C4orf36: variants seen among roughly 807,000 people sequenced by gnomAD.
C4orf36 encodes the protein chromosome 4 open reading frame 36.
In C4orf36, 11 loss-of-function variants were observed where a neutral mutation model predicts 12.2. That is an observed-to-expected ratio of 0.90 (90% CI 0.57 to 1.49). C4orf36 has a LOEUF of 1.49. Ranked by LOEUF, C4orf36 falls within the 40% of genes most tolerant of loss-of-function variation. The pLI is 0.00. For missense variants in C4orf36, 137 were observed against 133.9 expected (o/e 1.02, Z -0.11); for synonymous variants, 54 against 51.3 (o/e 1.05, Z -0.22).
chr4:86,896,189 A>C (rs1180388491), upstream of C4orf36, among the ~76,000 whole-genome samples: 1 of 152,206 alleles, frequency 6.6e-6, no homozygotes, highest in African/African-American at 2.4e-5. Flanking sequence ...TTGAACCCAG[A>C]CTGCCTTATT....
rs55723875 is a variant in C4orf36, at chr4:86,891,433, T to TA, written c.65+22dup. 311 of 1,346,626 alleles carry TA rather than the reference T, an allele frequency of 2.3e-4. 1 individual carries two copies. In the African/African-American group the frequency reaches 3.5e-3, roughly 15 times the overall value. 83.4% of individuals were successfully genotyped at this position (1,346,626 alleles called of 1,614,324 possible). A position where few individuals can be genotyped will look rare whatever the true frequency, so the allele number is the denominator to read the frequency against. Reference sequence around the variant, plus strand: ...ACCGCAGTCAATGCTTACCCTGATTTAAAAAAAAAAAATAGTACTTACACA... The same window carrying TA: ...ACCGCAGTCAATGCTTACCCTGATTTAAAAAAAAAAAAATAGTACTTACACA... On this transcript the variant is annotated intron_variant, in intron 2 of 4. Coordinates refer to ENST00000295898, the MANE Select transcript of C4orf36 (RefSeq NM_144645.4).
the C4orf36 span, among the ~76,000 whole-genome samples, chr4:86,904,192 C>T: frequency 3.3e-5 from 5 of 152,212 alleles, no homozygotes; most frequent in African/African-American, 1.2e-4. Flanking sequence ...AGGAACCGGC[C>T]GCCGCGCCCA....
chr4:86,909,193 A>C, the C4orf36 span, among the ~76,000 whole-genome samples: 4 of 152,218 alleles, frequency 2.6e-5, no homozygotes, highest in African/African-American at 9.6e-5. Flanking sequence ...TGGGAACTAT[A>C]GTTCCAACTT....
intron 4 of C4orf36, among the ~76,000 whole-genome samples, chr4:86,883,854 C>A (rs1282703555): frequency 6.6e-6 from 1 of 152,082 alleles, no homozygotes; most frequent in East Asian, 1.9e-4. Context: ...ATGGTGAAAT[C>A]CCATCTCTAC....
the C4orf36 span, among the ~76,000 whole-genome samples, chr4:86,931,786 A>G: frequency 1.3e-5 from 2 of 152,234 alleles, no homozygotes; most frequent in African/African-American, 4.8e-5. Context: ...CTGTAATCCC[A>G]GCACTTTGGG....
chr4:86,892,339 G>T lies in C4orf36; in HGVS notation c.-230C>A. The T allele has an allele frequency of 3.0e-6, 3 of 985,496 alleles. No individual in the cohort carries two copies. The highest frequency in any genetic ancestry group is 3.6e-6 in the Non-Finnish European group (3 of 829,966). 61.0% of individuals were successfully genotyped at this position (985,496 alleles called of 1,614,324 possible). A position where few individuals can be genotyped will look rare whatever the true frequency, so the allele number is the denominator to read the frequency against. The stretch of plus-strand genomic sequence containing the variant: ...GGGTACTGAGGTAAGAGCGCGCTGC[G>T]CTAAGCGCACATGGCCGCGCACACG... On this transcript the variant is annotated 5_prime_UTR_variant, in exon 1 of 5. Coordinates refer to ENST00000295898, the MANE Select transcript of C4orf36 (RefSeq NM_144645.4).
the C4orf36 span, among the ~76,000 whole-genome samples, chr4:86,934,267 G>A: frequency 6.6e-6 from 1 of 152,214 alleles, no homozygotes; most frequent in East Asian, 1.9e-4. Context: ...AATGAAGACA[G>A]CCTGTTGCTT....
intron 4 of C4orf36, among the ~76,000 whole-genome samples, chr4:86,877,985 T>C (rs1463330544): frequency 6.6e-6 from 1 of 152,162 alleles, no homozygotes; most frequent in African/African-American, 2.4e-5. Flanking sequence ...CGTGAGTTGA[T>C]AAGTGCTGGA....
At chr4:86,909,042 G>A in the C4orf36 span, among the ~76,000 whole-genome samples, 1 of 152,166 alleles carries the variant, frequency 6.6e-6, no homozygotes, top group African/African-American at 2.4e-5. Context: ...TGGGGAGTGG[G>A]ACAAGTTGGG....
chr4:86,883,990 C>T (rs968431641), intron 4 of C4orf36, among the ~76,000 whole-genome samples: 4 of 119,136 alleles, frequency 3.4e-5, no homozygotes, highest in Non-Finnish European at 7.8e-5. Flanking sequence ...CCACTCCAGC[C>T]TGGGTGGGAA....
At chr4:86,886,945 G>T (rs1747195009) in intron 4 of C4orf36, 1 of 152,130 alleles carries the variant, frequency 6.6e-6, no homozygotes, top group South Asian at 2.1e-4. Context: ...AAAAAATAAT[G>T]AGTTCATGTC....
intron 4 of C4orf36, among the ~76,000 whole-genome samples, chr4:86,885,109 T>C (rs1747145251): frequency 6.6e-6 from 1 of 152,310 alleles, no homozygotes; most frequent in African/African-American, 2.4e-5. Context: ...AGCCTTGTAG[T>C]ATAGTTTGAA....
the C4orf36 span, among the ~76,000 whole-genome samples, chr4:86,898,715 G>T: frequency 6.6e-6 from 1 of 151,938 alleles, no homozygotes; most frequent in Non-Finnish European, 1.5e-5. Flanking sequence ...AGACTGAGGC[G>T]AGAGAATTGT....
upstream of C4orf36, among the ~76,000 whole-genome samples, chr4:86,895,860 G>A (rs1174053254): frequency 6.6e-6 from 1 of 152,072 alleles, no homozygotes; most frequent in African/African-American, 2.4e-5. Flanking sequence ...ATTAGGTAAG[G>A]CTTCACCCAT....
chr4:86,902,290 G>A, the C4orf36 span, among the ~76,000 whole-genome samples: 1 of 151,830 alleles, frequency 6.6e-6, no homozygotes. Context: ...TGGGCATGGT[G>A]GTATGCACCT....
chr4:86,891,583 G>A lies in C4orf36; in HGVS notation c.-63C>T. 1.2e-6 allele frequency: 2 copies of A among 1,609,280 alleles called. No individual in the cohort carries two copies. The highest frequency in any genetic ancestry group is 1.7e-6 in the Non-Finnish European group (2 of 1,177,336). ...CTGATGGAATGTCACAGATAACTCT[G>A]TTCACTTTACCTGAAATGATGGCAA... On this transcript the variant is annotated 5_prime_UTR_variant, in exon 2 of 5. Transcript: ENST00000295898.
chr4:86,931,679 G>A, the C4orf36 span, among the ~76,000 whole-genome samples: 10 of 152,240 alleles, frequency 6.6e-5, no homozygotes, highest in Non-Finnish European at 1.3e-4. Context: ...GATTCTGAAC[G>A]TGATCACAGT....
chr4:86,890,245 A>C, intron 2 of C4orf36: 1 of 360,764 alleles, frequency 2.8e-6, no homozygotes, highest in Admixed American at 2.8e-5. Flanking sequence ...AAGGAAACTG[A>C]GGTGCAGAGA....
At chr4:86,890,999 T>TTTTAC (rs201587250) in intron 2 of C4orf36, among the ~76,000 whole-genome samples, 5,225 of 150,034 alleles carry the variant, frequency 0.035, 291 homozygotes, top group African/African-American at 0.13. Flanking sequence ...CCTGCCAAAG[T>TTTTAC]ATACAGGATA....
Sources: allele counts gnomAD v4.1 joint callset (sites outside exome capture counted in the v4.1 genomes callset), GRCh38; gene constraint gnomAD v4.1.1; transcripts MANE v1.5; gene names NCBI Gene and HGNC (gene_info 2026-07-23, HGNC 2026-07-21).